Variants in ANKRD37 observed in about 807,000 individuals in gnomAD.
ANKRD37 encodes the protein ankyrin repeat domain 37.
ANKRD37 carries 17 observed loss-of-function variants against 19.7 expected under a neutral mutation model. The observed-to-expected ratio is 0.86, with a 90% CI of 0.59 to 1.29. The LOEUF (loss-of-function observed/expected upper bound fraction) is 1.29, where lower values mean the gene tolerates loss of function less well. Among genes scored for constraint, ANKRD37 ranks in the 50% most tolerant of loss-of-function variants. ANKRD37 has a pLI of 0.00. For synonymous variants in ANKRD37, 79 were observed against 74.5 expected, an observed-to-expected ratio of 1.06 and a Z score of -0.31; for missense variants, 207 against 190.4, an observed-to-expected ratio of 1.09 and a Z score of -0.51.
At position 185,397,260 on chromosome 4, in the gene ANKRD37, T is replaced by G. The variant is rs116240990; in HGVS notation, c.138T>G (p.Phe46Leu). 5,361 of 1,614,116 alleles carry G rather than the reference T, an allele frequency of 3.3e-3. 13 individuals carry two copies. The highest frequency in any genetic ancestry group is 0.011 in the Middle Eastern group (68 of 6,060). The change falls in exon 2 of 5, where the codon TTT (phenylalanine) becomes TTG (leucine). Residue 46 changes from phenylalanine to leucine, a missense_variant. Physicochemically the swap from Phe to Leu is conservative, Grantham distance 22. Coordinates refer to ENST00000335174, the MANE Select transcript of ANKRD37 (RefSeq NM_181726.4). ...HLAAGSGLACFLLWQLQTGAD... is the reference protein window; with the variant it reads ...HLAAGSGLACLLLWQLQTGAD... ...CCGCAGGAAGCGGCCTTGCTTGCTTTCTTCTCTGGCAGCTGCAAACGGGCG... is the reference window on the plus strand; with the variant it reads ...CCGCAGGAAGCGGCCTTGCTTGCTTGCTTCTCTGGCAGCTGCAAACGGGCG...
rs568283170 is a variant in ANKRD37, at chr4:185,397,942, T to C, written c.180+640T>C. 4.6e-5 allele frequency among the ~76,000 whole-genome samples: 7 copies of C among 152,374 alleles called. No homozygotes were observed. In the South Asian group the frequency reaches 1.4e-3, roughly 32 times the overall value. On this transcript the variant is annotated intron_variant, in intron 2 of 4. Coordinates refer to ENST00000335174, the MANE Select transcript of ANKRD37 (RefSeq NM_181726.4). The stretch of plus-strand genomic sequence containing the variant: ...CTTTTTATTTGCTTACATTTTAATG[T>C]ATGTGCATATGGCTACACGTTTTTA...
At position 185,398,655 on chromosome 4, in the gene ANKRD37, G is replaced by T. The variant is rs553650588; in HGVS notation, c.181-282G>T. The stretch of plus-strand genomic sequence containing the variant: ...TTAATTAGAAGAGATGTTGATGCAG[G>T]TTTATATGTATCAAAAACACATGAC... On this transcript the variant is annotated intron_variant, in intron 2 of 4. Coordinates refer to ENST00000335174, the MANE Select transcript of ANKRD37 (RefSeq NM_181726.4). 1.6e-3 allele frequency among the ~76,000 whole-genome samples: 247 copies of T among 152,164 alleles called. 1 individual carries two copies. Among genetic ancestry groups the T allele is most frequent in the African/African-American group, 5.6e-3 (231 of 41,500 alleles).
chr4:185,397,312 T>G lies in ANKRD37; in HGVS notation c.180+10T>G. The G allele has an allele frequency of 1.9e-6, 3 of 1,613,450 alleles. No homozygotes were observed. The highest frequency in any genetic ancestry group is 2.5e-6 in the Non-Finnish European group (3 of 1,179,794). On this transcript the variant is annotated intron_variant, in intron 2 of 4. Transcript: ENST00000335174. ...TGACCTCAACCAGCAGGTAACTAGG[T>G]AACTGTTGCTGTGTACAGCCGTCCC...
intron 2 of ANKRD37, among the ~76,000 whole-genome samples, chr4:185,397,917 CTT>C (rs935478563): frequency 6.6e-6 from 1 of 152,150 alleles, no homozygotes; most frequent in Non-Finnish European, 1.5e-5. Context: ...TGGAAGAACT[CTT>C]TTTATTTGCT....
chr4:185,399,787 AGCT>A lies in ANKRD37; in HGVS notation c.476+21_476+23del, dbSNP rs772438467. Reference sequence around the variant, plus strand: ...AAGGAAGTGCTGGTAAGTAACTCAGAGCTGCTGCTTTTTTCCTCCCGCAGTGAT... The same window carrying A: ...AAGGAAGTGCTGGTAAGTAACTCAGAGCTGCTTTTTTCCTCCCGCAGTGAT... On this transcript the variant is annotated intron_variant, in intron 4 of 4. Coordinates refer to ENST00000335174, the MANE Select transcript of ANKRD37 (RefSeq NM_181726.4). The A allele has an allele frequency of 1.2e-6, 2 of 1,613,650 alleles. No individual in the cohort carries two copies. Among genetic ancestry groups the A allele is most frequent in the Non-Finnish European group, 1.7e-6 (2 of 1,179,720 alleles).
chr4:185,397,530 C>G, intron 2 of ANKRD37: 1 of 534,240 alleles, frequency 1.9e-6, no homozygotes, highest in Non-Finnish European at 3.1e-6. Context: ...ATAAACGAAA[C>G]ATGAAATTTT....
In ANKRD37 at chr4:185,397,133, C is replaced by G; in HGVS notation, c.28-17C>G. 2 of 1,612,934 alleles carry G rather than the reference C, an allele frequency of 1.2e-6. No homozygotes were observed. The highest frequency in any genetic ancestry group is 1.7e-6 in the Non-Finnish European group (2 of 1,179,838). On this transcript the variant is annotated splice_polypyrimidine_tract_variant and intron_variant, in intron 1 of 4. Transcript: ENST00000335174. The stretch of plus-strand genomic sequence containing the variant: ...GACAAAGGTGGGAAGGGTGCTGGAT[C>G]TGTTCTCTTCCTGCAGGTGGATGGT...
intron 2 of ANKRD37, 108 bp from the exon 3 acceptor site, chr4:185,398,829 C>A (rs1475218932): frequency 6.9e-5 from 45 of 649,846 alleles, no homozygotes; most frequent in East Asian, 1.0e-4. Context: ...CTGTCCAGTA[C>A]AATGCAGTTC....
chr4:185,398,298 AAAAG>A (rs1415776104), intron 2 of ANKRD37, among the ~76,000 whole-genome samples: 2 of 152,216 alleles, frequency 1.3e-5, no homozygotes, highest in Non-Finnish European at 2.9e-5. Context: ...AAAGCAAACT[AAAAG>A]AACTAATCAA....
Position 185,399,568 on chromosome 4 carries a change from A to G in ANKRD37, c.273-2A>G. 6.2e-7 allele frequency: 1 copy of G among 1,614,084 alleles called. No individual in the cohort carries two copies. The highest frequency in any genetic ancestry group is 8.5e-7 in the Non-Finnish European group (1 of 1,179,944). Reference sequence around the variant, plus strand: ...TTCACTCCGTTTTTATCCTGTTTTCAGTTTATGTAATAAGAACGGGCAAAC... The same window carrying G: ...TTCACTCCGTTTTTATCCTGTTTTCGGTTTATGTAATAAGAACGGGCAAAC... On this transcript the variant is annotated splice_acceptor_variant, in intron 3 of 4. Coordinates refer to ENST00000335174, the MANE Select transcript of ANKRD37 (RefSeq NM_181726.4). LOFTEE classifies it high-confidence loss of function.
intron 2 of ANKRD37, among the ~76,000 whole-genome samples, chr4:185,398,561 A>G (rs1310146911): frequency 6.6e-6 from 1 of 152,214 alleles, no homozygotes; most frequent in African/African-American, 2.4e-5. Context: ...TGAAGTTATA[A>G]TAGTCCACTA....
At position 185,399,016 on chromosome 4, in the gene ANKRD37, A is replaced by G. The variant is rs748409530; in HGVS notation, c.260A>G (p.Asp87Gly). ...LECLSLLVAS[D>G]AQIDLCNKNG... Reference sequence around the variant, plus strand: ...TGCCTAAGCCTGCTTGTAGCCAGTGATGCCCAAATTGAGTGAGTATGAAAA... The same window carrying G: ...TGCCTAAGCCTGCTTGTAGCCAGTGGTGCCCAAATTGAGTGAGTATGAAAA... The change falls in exon 3 of 5, where the codon GAT becomes GGT. Residue 87 changes from aspartate to glycine, a missense_variant. By Grantham distance (94) the Asp-to-Gly change is moderately conservative (BLOSUM62 -1). Coordinates refer to ENST00000335174, the MANE Select transcript of ANKRD37 (RefSeq NM_181726.4). 8.7e-6 allele frequency: 14 copies of G among 1,613,686 alleles called. No homozygotes were observed. Among genetic ancestry groups the G allele is most frequent in the African/African-American group, 4.0e-5 (3 of 74,938 alleles).
At chr4:185,400,562 C>T, downstream of ANKRD37, 2 of 995,576 alleles carry the variant, frequency 2.0e-6, no homozygotes, top group Non-Finnish European at 3.1e-6. Context: ...GCTCTGTCAG[C>T]AGGACCTTGG....
chr4:185,399,486 T>C, intron 3 of ANKRD37, 84 bp from the exon 4 acceptor site: 1 of 1,462,378 alleles, frequency 6.8e-7, no homozygotes, highest in Non-Finnish European at 9.3e-7. Flanking sequence ...AACATTTGTA[T>C]GAGCCCAAAA....
At position 185,397,412 on chromosome 4, in the gene ANKRD37, G is replaced by T. The variant is rs1046452518; in HGVS notation, c.180+110G>T. ...AGCTGTTAAAAACATGTCTATAGCAGCGATGTCCAACAGAAATATAATGCA... is the reference window on the plus strand; with the variant it reads ...AGCTGTTAAAAACATGTCTATAGCATCGATGTCCAACAGAAATATAATGCA... On this transcript the variant is annotated intron_variant, in intron 2 of 4. Transcript: ENST00000335174. 9 of 1,356,384 alleles carry T rather than the reference G, an allele frequency of 6.6e-6. No individual in the cohort carries two copies. The African/African-American group carries it at 1.2e-4, about 18-fold the overall frequency. 84.0% of individuals were successfully genotyped at this position (1,356,384 alleles called of 1,614,324 possible).
intron 2 of ANKRD37, 69 bp from the exon 3 acceptor site, chr4:185,398,868 A>T: frequency 1.7e-6 from 2 of 1,164,682 alleles, no homozygotes; most frequent in Non-Finnish European, 2.6e-6. Context: ...AGCTAATATT[A>T]AATGTCACTC....
Position 185,397,118 on chromosome 4 carries a change from G to A in ANKRD37, c.28-32G>A, listed in dbSNP as rs534544669. On this transcript the variant is annotated intron_variant, in intron 1 of 4. Coordinates refer to ENST00000335174, the MANE Select transcript of ANKRD37 (RefSeq NM_181726.4). ...AGGGGCGCGGGACTGGACAAAGGTG[G>A]GAAGGGTGCTGGATCTGTTCTCTTC... The A allele has an allele frequency of 1.5e-5, 24 of 1,611,914 alleles. 2 individuals are homozygous for A. The South Asian group carries it at 2.5e-4, about 17-fold the overall frequency.
intron 3 of ANKRD37, among the ~76,000 whole-genome samples, 197 bp downstream of exon 3, chr4:185,399,225 G>A (rs1205557046): frequency 6.6e-6 from 1 of 152,186 alleles, no homozygotes; most frequent in Non-Finnish European, 1.5e-5. Flanking sequence ...GTCAGATCCT[G>A]AGCAATCAGA....
intron 4 of ANKRD37, 103 bp downstream of exon 4, chr4:185,399,876 T>G (rs571550496): frequency 2.8e-5 from 43 of 1,551,262 alleles, no homozygotes; most frequent in African/African-American, 2.5e-4. Context: ...TCTAGTAGTA[T>G]TGTTTCATTC....
Sources: allele counts gnomAD v4.1 joint callset (sites outside exome capture counted in the v4.1 genomes callset), GRCh38; gene constraint gnomAD v4.1.1; transcripts MANE v1.5; gene names NCBI Gene and HGNC (gene_info 2026-07-23, HGNC 2026-07-21).